The following XKR6 variants were observed in gnomAD, a reference collection of about 807,000 sequenced individuals.
XKR6 encodes the protein XK-related protein 6.
A neutral mutation model predicts 56.7 loss-of-function variants in XKR6; 22 were observed. The observed-to-expected ratio is 0.39, with a 90% CI of 0.28 to 0.55. The LOEUF is 0.55. Among genes scored for constraint, XKR6 ranks in the 20% least tolerant of loss-of-function variants. XKR6 has a pLI of 0.66. For missense variants in XKR6, 852 were observed against 889.0 expected, an observed-to-expected ratio of 0.96 and a Z score of 0.53; for synonymous variants, 524 against 387.8, an observed-to-expected ratio of 1.35 and a Z score of -4.13.
chr8:11,108,699 T>C (rs17152862), intron 1 of XKR6: 13,096 of 205,560 alleles, frequency 0.064, 585 homozygotes, highest in African/African-American at 0.14. Context: ...CAAGATCTGA[T>C]GCTCCATTCC....
intron 1 of XKR6, among the ~76,000 whole-genome samples, chr8:11,158,041 T>G (rs1481015135): frequency 6.6e-6 from 1 of 152,212 alleles, no homozygotes; most frequent in Non-Finnish European, 1.5e-5. Flanking sequence ...GATTGGTATC[T>G]ATTTCTTGAT....
In XKR6 at chr8:11,002,954, G is replaced by A. The variant is rs577229154; in HGVS notation, c.765-78124C>T. ...ATGTTGGATAGGAGGCCCTTGTTGG[G>A]GCACCAAAGCCCAGAGAAGGGGGGT... On this transcript the variant is annotated intron_variant, in intron 1 of 2. Coordinates refer to ENST00000416569, the MANE Select transcript of XKR6 (RefSeq NM_173683.4). Among the ~76,000 whole-genome samples, 284 of 152,144 alleles carry A rather than the reference G, an allele frequency of 1.9e-3. 1 individual carries two copies. Among genetic ancestry groups the A allele is most frequent in the African/African-American group, 6.5e-3 (270 of 41,500 alleles).
chr8:11,092,665 G>A (rs1018223405), intron 1 of XKR6, among the ~76,000 whole-genome samples: 2 of 152,188 alleles, frequency 1.3e-5, no homozygotes, highest in African/African-American at 4.8e-5. Flanking sequence ...GCTGAGTAAA[G>A]CCCAAAGAGA....
intron 1 of XKR6, among the ~76,000 whole-genome samples, chr8:11,079,245 G>A (rs1287187824): frequency 6.6e-6 from 1 of 152,256 alleles, no homozygotes; most frequent in African/African-American, 2.4e-5. Flanking sequence ...GAGGAAGTGT[G>A]TGTGTCAGAG....
intron 1 of XKR6, among the ~76,000 whole-genome samples, chr8:11,195,848 T>G (rs1803856513): frequency 6.6e-6 from 1 of 151,710 alleles, no homozygotes; most frequent in African/African-American, 2.4e-5. Context: ...GAGATGGGGT[T>G]TCACCATGTT....
intron 1 of XKR6, among the ~76,000 whole-genome samples, chr8:11,160,081 T>C (rs576980295): frequency 7.9e-5 from 12 of 152,326 alleles, no homozygotes; most frequent in African/African-American, 2.6e-4. Context: ...TGCATCATTA[T>C]TTTGTTAATC....
chr8:10,995,018 T>C (rs947920872), intron 1 of XKR6, among the ~76,000 whole-genome samples: 2 of 152,210 alleles, frequency 1.3e-5, no homozygotes, highest in African/African-American at 4.8e-5. Context: ...TTCACCCGTC[T>C]ATGGTGGGGC....
chr8:11,192,044 G>A (rs558236876), intron 1 of XKR6, among the ~76,000 whole-genome samples: 1 of 152,212 alleles, frequency 6.6e-6, no homozygotes, highest in Non-Finnish European at 1.5e-5. Flanking sequence ...TTAACAACTG[G>A]CCAGGCACAG....
intron 1 of XKR6, among the ~76,000 whole-genome samples, chr8:11,141,327 A>G (rs1800689034): frequency 6.6e-6 from 1 of 152,136 alleles, no homozygotes; most frequent in Admixed American, 6.5e-5. Flanking sequence ...ACACCATAGC[A>G]CTGGGAGGCA....
At chr8:11,080,600 G>T (rs1797684680) in intron 1 of XKR6, among the ~76,000 whole-genome samples, 1 of 148,626 alleles carries the variant, frequency 6.7e-6, no homozygotes, top group Non-Finnish European at 1.5e-5. Context: ...CAGGCCCCCA[G>T]GTGGCCTCCA....
intron 1 of XKR6, among the ~76,000 whole-genome samples, chr8:11,091,196 C>G (rs983826058): frequency 6.6e-6 from 1 of 152,104 alleles, no homozygotes; most frequent in Non-Finnish European, 1.5e-5. Flanking sequence ...TTGGGAGAGA[C>G]AAGGTGGGAG....
intron 1 of XKR6, among the ~76,000 whole-genome samples, chr8:11,053,637 T>C (rs1169972429): frequency 6.6e-6 from 1 of 152,246 alleles, no homozygotes; most frequent in Non-Finnish European, 1.5e-5. Flanking sequence ...CTAGAATTTA[T>C]CAACGGCTTG....
chr8:11,128,764 C>A (rs936043502), intron 1 of XKR6: 1 of 443,066 alleles, frequency 2.3e-6, no homozygotes, highest in African/African-American at 2.0e-5. Flanking sequence ...CTTTCTTTCC[C>A]TCACATCCAT....
intron 1 of XKR6, among the ~76,000 whole-genome samples, chr8:11,004,496 T>A (rs900206074): frequency 6.6e-6 from 1 of 151,532 alleles, no homozygotes; most frequent in Admixed American, 6.6e-5. Flanking sequence ...AATAAATAAA[T>A]AAAAAATAAA....
chr8:10,915,192 A>C lies in XKR6; in HGVS notation c.961+9442T>G, dbSNP rs529912321. Among the ~76,000 whole-genome samples, 3 of 152,342 alleles carry C rather than the reference A, an allele frequency of 2.0e-5. No individual in the cohort carries two copies. In the South Asian group the frequency reaches 6.2e-4, roughly 32 times the overall value. On this transcript the variant is annotated intron_variant, in intron 2 of 2. Coordinates refer to ENST00000416569, the MANE Select transcript of XKR6 (RefSeq NM_173683.4). ...TCTCTACACAAAGCAGAAGCTCCAC[A>C]AGGGCAGGGTTTTCTGTTTTTTCAT...
intron 1 of XKR6, among the ~76,000 whole-genome samples, chr8:11,115,727 C>T (rs754726557): frequency 5.9e-5 from 9 of 152,140 alleles, no homozygotes; most frequent in South Asian, 2.1e-4. Context: ...ATTACTGCAA[C>T]GCTAAGCTTG....
At chr8:11,098,165 T>C (rs1040345622) in intron 1 of XKR6, among the ~76,000 whole-genome samples, 1 of 152,030 alleles carries the variant, frequency 6.6e-6, no homozygotes, top group East Asian at 1.9e-4. Flanking sequence ...ACTCCAGAAA[T>C]ACCGAATTGG....
chr8:11,033,280 A>G (rs1265142241), intron 1 of XKR6, among the ~76,000 whole-genome samples: 1 of 150,100 alleles, frequency 6.7e-6, no homozygotes, highest in Non-Finnish European at 1.5e-5. Flanking sequence ...GGCGATGATG[A>G]CGATAGTGAT....
intron 1 of XKR6, among the ~76,000 whole-genome samples, chr8:11,107,587 C>A (rs905346950): frequency 6.6e-6 from 1 of 152,146 alleles, no homozygotes; most frequent in African/African-American, 2.4e-5. Context: ...GGGCACGGAT[C>A]CACTCAGGCT....
Sources: allele counts gnomAD v4.1 joint callset (sites outside exome capture counted in the v4.1 genomes callset), GRCh38; gene constraint gnomAD v4.1.1; transcripts MANE v1.5; gene names NCBI Gene and HGNC (gene_info 2026-07-23, HGNC 2026-07-21).